Variants in ATL1 observed in about 807,000 individuals in gnomAD.
ATL1 encodes atlastin GTPase 1, also known as atlastin-1.
In ATL1, 31 loss-of-function variants were observed where a neutral mutation model predicts 75.5. That is an observed-to-expected ratio of 0.41 (90% confidence interval 0.31 to 0.55). The LOEUF is 0.55. ATL1 is among the 20% of genes least tolerant of loss of function. The probability of loss-of-function intolerance (pLI) is 0.27; values close to 1 mark genes in which losing one functional copy is unlikely to be tolerated. For synonymous variants in ATL1, 226 were observed against 233.3 expected, an observed-to-expected ratio of 0.97 and a Z score of 0.28; for missense variants, 405 against 662.6, an observed-to-expected ratio of 0.61 and a Z score of 4.27.
intron 1 of ATL1, among the ~76,000 whole-genome samples, chr14:50,580,164 G>A (rs754634557): frequency 1.3e-5 from 2 of 152,054 alleles, no homozygotes; most frequent in African/African-American, 2.4e-5. Context: ...ATGTATCACG[G>A]TTATTTATCC....
At chr14:50,598,551 T>C (rs2039242935) in intron 6 of ATL1, among the ~76,000 whole-genome samples, 1 of 151,938 alleles carries the variant, frequency 6.6e-6, no homozygotes, top group Non-Finnish European at 1.5e-5. Context: ...TTAGTAGAGA[T>C]GGGGTTTCAC....
intron 6 of ATL1, among the ~76,000 whole-genome samples, chr14:50,608,374 C>G (rs1178112403): frequency 6.6e-6 from 1 of 151,954 alleles, no homozygotes; most frequent in Non-Finnish European, 1.5e-5. Context: ...ATTAAATATT[C>G]AGGAATTATA....
chr14:50,590,101 A>T (rs900347276), intron 2 of ATL1, among the ~76,000 whole-genome samples: 1 of 152,144 alleles, frequency 6.6e-6, no homozygotes, highest in African/African-American at 2.4e-5. Context: ...TTGGCTTCTC[A>T]AACTCCACTT....
intron 12 of ATL1, among the ~76,000 whole-genome samples, chr14:50,629,594 A>AC (rs1329912479): frequency 9.2e-5 from 14 of 151,976 alleles, no homozygotes; most frequent in Admixed American, 6.6e-4. Flanking sequence ...AAAAAAAAAA[A>AC]AAAAAACCCT....
At chr14:50,549,100 A>G (rs1411824121) in intron 1 of ATL1, among the ~76,000 whole-genome samples, 2 of 152,028 alleles carry the variant, frequency 1.3e-5, no homozygotes, top group Non-Finnish European at 2.9e-5. Flanking sequence ...GGACCCATTC[A>G]CTTTGAACAA....
At chr14:50,554,364 C>A (rs1391847241) in intron 1 of ATL1, among the ~76,000 whole-genome samples, 1 of 152,170 alleles carries the variant, frequency 6.6e-6, no homozygotes, top group East Asian at 1.9e-4. Flanking sequence ...GTTTTGTATA[C>A]TGTAGATGTG....
At chr14:50,604,472 G>T (rs1253831768) in intron 6 of ATL1, among the ~76,000 whole-genome samples, 1 of 151,930 alleles carries the variant, frequency 6.6e-6, no homozygotes, top group East Asian at 1.9e-4. Flanking sequence ...TCACTAAGGG[G>T]GTAGTATATA....
chr14:50,631,271 AAC>A (rs1491017777), intron 13 of ATL1, among the ~76,000 whole-genome samples: 3 of 136,640 alleles, frequency 2.2e-5, no homozygotes, highest in African/African-American at 3.1e-5. Context: ...AAAAGTAAAA[AAC>A]AAAAACAAAA....
intron 13 of ATL1, among the ~76,000 whole-genome samples, chr14:50,630,224 A>C (rs1261979768): frequency 6.6e-6 from 1 of 152,226 alleles, no homozygotes; most frequent in Non-Finnish European, 1.5e-5. Flanking sequence ...ACACACACAC[A>C]AAAACTAAGA....
At chr14:50,604,602 A>G (rs1174262265) in intron 6 of ATL1, among the ~76,000 whole-genome samples, 1 of 152,122 alleles carries the variant, frequency 6.6e-6, no homozygotes, top group Non-Finnish European at 1.5e-5. Context: ...GGTAAGAACT[A>G]TATCCTTTAT....
chr14:50,631,163 G>A lies in ATL1; in HGVS notation c.1567-1066G>A, dbSNP rs2039575975. The A allele has an allele frequency of 1.9e-5, 4 of 211,828 alleles. No homozygotes were observed. The South Asian group carries it at 2.5e-4, about 13-fold the overall frequency. The allele number at this position is 211,828 out of a possible 1,614,324, so 13.1% of individuals were successfully genotyped here. ...TAGTCCCAGCCACTGGGGAGGCTGA[G>A]GCAAGAGAATAGCTTGAACCTGGGA... On this transcript the variant is annotated intron_variant, in intron 13 of 13. Coordinates refer to ENST00000358385, the MANE Select transcript of ATL1 (RefSeq NM_015915.5).
At chr14:50,595,469 A>G in intron 5 of ATL1, 107 bp from the exon 6 acceptor site, 1 of 1,007,546 alleles carries the variant, frequency 9.9e-7, no homozygotes, top group Admixed American at 1.9e-5. Flanking sequence ...ACCTAGAGGG[A>G]AAAGTAAATG....
At position 50,628,454 on chromosome 14, in the gene ATL1, T is replaced by C. The variant is rs2140239458; in HGVS notation, c.1543T>C (p.Trp515Arg). 6.2e-7 allele frequency: 1 copy of C among 1,614,054 alleles called. No homozygotes were observed. Among genetic ancestry groups the C allele is most frequent in the Non-Finnish European group, 8.5e-7 (1 of 1,179,994 alleles). ...AATAGACCAGGTGGCTGCAGCTCTG[T>C]GGGACCAGGTAAGAACACCTTTAAT... Reference protein sequence around the residue: ...AVIDQVAAALWDQGSTNEALY... With the variant: ...AVIDQVAAALRDQGSTNEALY... The change falls in exon 12 of 14, where the codon TGG becomes CGG. Residue 515 changes from tryptophan to arginine, a missense_variant. Coordinates refer to ENST00000358385, the MANE Select transcript of ATL1 (RefSeq NM_015915.5).
chr14:50,560,731 C>G (rs558513363), intron 1 of ATL1, among the ~76,000 whole-genome samples: 3 of 152,218 alleles, frequency 2.0e-5, no homozygotes, highest in African/African-American at 4.8e-5. Flanking sequence ...CCCAACCCCC[C>G]TCCCCGGGAG....
chr14:50,550,685 AT>A (rs964001700), intron 1 of ATL1, among the ~76,000 whole-genome samples: 14 of 152,238 alleles, frequency 9.2e-5, no homozygotes, highest in African/African-American at 2.4e-4. Flanking sequence ...GAAAATCAAA[AT>A]TATATCAAGT....
At chr14:50,584,728 TA>T (rs1241596333) in intron 1 of ATL1, among the ~76,000 whole-genome samples, 2 of 150,304 alleles carry the variant, frequency 1.3e-5, no homozygotes, top group Non-Finnish European at 3.0e-5. Context: ...AATAAATAAA[TA>T]AAAAATAAAA....
chr14:50,575,391 C>T (rs572878281), intron 1 of ATL1, among the ~76,000 whole-genome samples: 3 of 152,122 alleles, frequency 2.0e-5, no homozygotes, highest in South Asian at 2.1e-4. Flanking sequence ...AGAGTCTGTA[C>T]GGAAGTGTTT....
chr14:50,593,996 C>A, intron 5 of ATL1, 100 bp downstream of exon 5: 3 of 935,168 alleles, frequency 3.2e-6, no homozygotes, highest in South Asian at 1.4e-5. Flanking sequence ...GATTCTGATT[C>A]TGCTGTTTAA....
At chr14:50,607,584 T>A (rs1202970674) in intron 6 of ATL1, among the ~76,000 whole-genome samples, 1 of 152,052 alleles carries the variant, frequency 6.6e-6, no homozygotes, top group Non-Finnish European at 1.5e-5. Flanking sequence ...TAAGTGTTCC[T>A]TACTTTGGGT....
Sources: allele counts gnomAD v4.1 joint callset (sites outside exome capture counted in the v4.1 genomes callset), GRCh38; gene constraint gnomAD v4.1.1; transcripts MANE v1.5; gene names NCBI Gene and HGNC (gene_info 2026-07-23, HGNC 2026-07-21).